RASSF3: variants seen among roughly 807,000 people sequenced by gnomAD.
The protein encoded by RASSF3 is ras association domain-containing protein 3.
RASSF3 carries 19 observed loss-of-function variants against 19.9 expected under a neutral mutation model. The ratio of observed to expected loss-of-function variants is 0.96; its 90% CI spans 0.67 to 1.40. The LOEUF is 1.40. Among genes scored for constraint, RASSF3 ranks in the 40% most tolerant of loss-of-function variants. The pLI, the probability that RASSF3 is intolerant of heterozygous loss-of-function variation, is 0.00. For synonymous variants in RASSF3, 110 were observed against 104.2 expected (o/e 1.06, Z -0.34); for missense variants, 306 against 289.8 (o/e 1.06, Z -0.41).
At chr12:64,556,571 G>A (rs1051930738) in intron 2 of RASSF3, among the ~76,000 whole-genome samples, 1 of 152,098 alleles carries the variant, frequency 6.6e-6, no homozygotes, top group Admixed American at 6.6e-5. Flanking sequence ...GCTGGGGGCA[G>A]CCTGTAGGAA....
intron 1 of RASSF3, among the ~76,000 whole-genome samples, chr12:64,618,257 C>T (rs1446043968): frequency 6.6e-6 from 1 of 152,136 alleles, no homozygotes; most frequent in Non-Finnish European, 1.5e-5. Context: ...CCAGGTTTTT[C>T]TTAATAGTTT....
At chr12:64,514,085 C>T (rs1324201966) in intron 1 of RASSF3, among the ~76,000 whole-genome samples, 3 of 149,566 alleles carry the variant, frequency 2.0e-5, no homozygotes, top group African/African-American at 2.5e-5. Context: ...GACGGGGTTT[C>T]ACCATGTTGG....
At chr12:64,668,551 G>A (rs1251715333) in intron 1 of RASSF3, among the ~76,000 whole-genome samples, 1 of 152,096 alleles carries the variant, frequency 6.6e-6, no homozygotes, top group South Asian at 2.1e-4. Flanking sequence ...GGGATTACAG[G>A]TGTGAGCCAC....
chr12:64,578,554 G>A (rs1470993543), intron 2 of RASSF3, among the ~76,000 whole-genome samples: 1 of 152,142 alleles, frequency 6.6e-6, no homozygotes, highest in African/African-American at 2.4e-5. Flanking sequence ...TGCTCCTCTG[G>A]ACACTGAGGT....
intron 1 of RASSF3, among the ~76,000 whole-genome samples, chr12:64,636,523 GT>G (rs1454581900): frequency 6.6e-6 from 1 of 152,110 alleles, no homozygotes; most frequent in Non-Finnish European, 1.5e-5. Context: ...CTGCATGCTT[GT>G]TTTCCTCTCA....
intron 1 of RASSF3, among the ~76,000 whole-genome samples, chr12:64,616,952 C>G (rs949821746): frequency 6.6e-6 from 1 of 152,152 alleles, no homozygotes; most frequent in Non-Finnish European, 1.5e-5. Flanking sequence ...GCTGTTCTTT[C>G]CCTTCATAGC....
At chr12:64,531,960 C>G (rs1868717431), upstream of RASSF3, among the ~76,000 whole-genome samples, 1 of 152,238 alleles carries the variant, frequency 6.6e-6, no homozygotes, top group Non-Finnish European at 1.5e-5. Context: ...ATCAACTCTC[C>G]TCTGCCTCAG....
chr12:64,642,031 C>T (rs984184172), intron 1 of RASSF3, among the ~76,000 whole-genome samples: 7 of 151,946 alleles, frequency 4.6e-5, no homozygotes, highest in Admixed American at 2.0e-4. Flanking sequence ...CGTGAGCCAC[C>T]GTGCTCGGCC....
chr12:64,591,650 T>G, intron 2 of RASSF3, among the ~76,000 whole-genome samples: 1 of 152,218 alleles, frequency 6.6e-6, no homozygotes, highest in East Asian at 1.9e-4. Flanking sequence ...ATATTTCCTT[T>G]TTTATTTTTG....
intron 2 of RASSF3, among the ~76,000 whole-genome samples, chr12:64,549,182 A>G (rs1049713549): frequency 6.6e-6 from 1 of 152,192 alleles, no homozygotes. Flanking sequence ...GGTTTGACTA[A>G]ATGTGGAGAG....
At chr12:64,579,004 G>A (rs1376107792) in intron 2 of RASSF3, among the ~76,000 whole-genome samples, 2 of 152,084 alleles carry the variant, frequency 1.3e-5, no homozygotes, top group East Asian at 1.9e-4. Context: ...GCGCATGCCT[G>A]TAATCCCAGC....
At chr12:64,521,807 A>T (rs1034320809) in intron 1 of RASSF3, among the ~76,000 whole-genome samples, 1 of 152,324 alleles carries the variant, frequency 6.6e-6, no homozygotes, top group Middle Eastern at 3.4e-3. Flanking sequence ...CAAAGAGGGT[A>T]AATAATTTGC....
At chr12:64,632,423 G>C (rs539067836) in intron 1 of RASSF3, among the ~76,000 whole-genome samples, 67 of 152,280 alleles carry the variant, frequency 4.4e-4, no homozygotes, top group African/African-American at 1.4e-3. Context: ...GCAGAGTTTA[G>C]AGGGCAAGAG....
At chr12:64,526,079 G>A (rs1451247310) in intron 1 of RASSF3, among the ~76,000 whole-genome samples, 1 of 152,110 alleles carries the variant, frequency 6.6e-6, no homozygotes, top group African/African-American at 2.4e-5. Flanking sequence ...AGAACTATCT[G>A]GGGTGATTAT....
At chr12:64,618,234 C>T (rs763990487) in intron 1 of RASSF3, among the ~76,000 whole-genome samples, 1 of 152,212 alleles carries the variant, frequency 6.6e-6, no homozygotes, top group Non-Finnish European at 1.5e-5. Flanking sequence ...CCTGCCTTAG[C>T]CTCCTGAGTA....
At chr12:64,688,907 A>G (rs376715855) in intron 3 of RASSF3, among the ~76,000 whole-genome samples, 3 of 152,226 alleles carry the variant, frequency 2.0e-5, no homozygotes, top group Non-Finnish European at 4.4e-5. Flanking sequence ...TGTGCATCAC[A>G]GCACATTTCA....
At chr12:64,543,457 CCG>C (rs1868986772), downstream of RASSF3, among the ~76,000 whole-genome samples, 2 of 97,256 alleles carry the variant, frequency 2.1e-5, no homozygotes, top group Non-Finnish European at 4.4e-5. Flanking sequence ...CGCCCGCCCC[CCG>C]CTCCCCACCC....
intron 1 of RASSF3, among the ~76,000 whole-genome samples, chr12:64,510,558 T>G (rs1348737310): frequency 6.6e-6 from 1 of 152,208 alleles, no homozygotes; most frequent in Non-Finnish European, 1.5e-5. Context: ...CATGATATTT[T>G]AATATTAATT....
chr12:64,591,293 A>T (rs570430699), intron 2 of RASSF3, among the ~76,000 whole-genome samples: 2 of 152,178 alleles, frequency 1.3e-5, no homozygotes, highest in Admixed American at 1.3e-4. Context: ...TGGCCAACAT[A>T]GTGAAACGCC....
Sources: gnomAD v4.1 joint callset for allele counts (sites outside exome capture counted in the v4.1 genomes callset) on GRCh38, gnomAD v4.1.1 for gene constraint, MANE v1.5 for transcripts, NCBI Gene and HGNC (gene_info 2026-07-23, HGNC 2026-07-21) for gene names.